Variants in UNC5D observed in about 807,000 individuals in gnomAD.
The protein encoded by UNC5D is netrin receptor UNC5D.
UNC5D carries 39 observed loss-of-function variants against 105.4 expected under a neutral mutation model. That is an observed-to-expected ratio of 0.37 (90% CI 0.29 to 0.48). The LOEUF is 0.48. Ranked by LOEUF, UNC5D falls within the 20% of genes least tolerant of loss-of-function variation. UNC5D has a pLI of 0.98. For missense variants in UNC5D, 991 were observed against 1,202.4 expected (o/e 0.82, Z 2.60); for synonymous variants, 452 against 450.4 (o/e 1.00, Z -0.04).
intron 1 of UNC5D, among the ~76,000 whole-genome samples, chr8:35,242,990 G>T (rs1365120692): frequency 6.6e-6 from 1 of 152,082 alleles, no homozygotes; most frequent in Non-Finnish European, 1.5e-5. Context: ...AGCTAAGCTG[G>T]TAATATTTGA....
At chr8:35,554,735 G>T (rs539205188) in intron 2 of UNC5D, among the ~76,000 whole-genome samples, 56 of 152,226 alleles carry the variant, frequency 3.7e-4, no homozygotes, top group African/African-American at 1.2e-3. Context: ...TTAACAACAC[G>T]CCGTGGCTCT....
At chr8:35,580,438 AG>A (rs1243114123) in intron 3 of UNC5D, among the ~76,000 whole-genome samples, 1 of 152,018 alleles carries the variant, frequency 6.6e-6, no homozygotes, top group East Asian at 1.9e-4. Flanking sequence ...ATTGCTGATG[AG>A]GAAAAAAAAC....
chr8:35,465,612 A>G (rs1484914514), intron 1 of UNC5D, among the ~76,000 whole-genome samples: 1 of 152,106 alleles, frequency 6.6e-6, no homozygotes, highest in Admixed American at 6.5e-5. Context: ...TTTATGTGAA[A>G]CTCAATCTAC....
At chr8:35,450,443 A>T (rs942034875) in intron 1 of UNC5D, among the ~76,000 whole-genome samples, 2 of 152,170 alleles carry the variant, frequency 1.3e-5, no homozygotes, top group Non-Finnish European at 2.9e-5. Context: ...TCTATTTATA[A>T]TATCAAGATT....
intron 1 of UNC5D, among the ~76,000 whole-genome samples, chr8:35,481,603 G>A (rs1271171231): frequency 3.9e-5 from 6 of 152,004 alleles, no homozygotes; most frequent in Non-Finnish European, 1.5e-5. Context: ...TTACATCTTT[G>A]TCAACCTTTG....
chr8:35,736,891 C>A (rs1364807516), intron 11 of UNC5D, among the ~76,000 whole-genome samples: 2 of 152,086 alleles, frequency 1.3e-5, no homozygotes, highest in Non-Finnish European at 2.9e-5. Context: ...CAGAGAATAT[C>A]CAGTTTATCT....
chr8:35,314,205 T>C (rs1336875155), intron 1 of UNC5D, among the ~76,000 whole-genome samples: 1 of 152,166 alleles, frequency 6.6e-6, no homozygotes, highest in Non-Finnish European at 1.5e-5. Flanking sequence ...TTTTAGAAAG[T>C]GTTACTGGAT....
intron 1 of UNC5D, among the ~76,000 whole-genome samples, chr8:35,449,025 A>G (rs752221047): frequency 1.3e-5 from 2 of 152,170 alleles, no homozygotes; most frequent in Non-Finnish European, 2.9e-5. Context: ...TTGGCAGAGT[A>G]GATGTTCAAT....
chr8:35,469,969 C>A (rs1030338243), intron 1 of UNC5D, among the ~76,000 whole-genome samples: 1 of 152,172 alleles, frequency 6.6e-6, no homozygotes, highest in Non-Finnish European at 1.5e-5. Context: ...TAAGCCACTC[C>A]TCACCTTTTG....
chr8:35,422,060 T>C (rs1171405717), intron 1 of UNC5D, among the ~76,000 whole-genome samples: 2 of 152,224 alleles, frequency 1.3e-5, no homozygotes, highest in African/African-American at 4.8e-5. Context: ...TGATGTTTTG[T>C]GTGTGGTAAA....
At chr8:35,533,431 G>A (rs1271825502) in intron 1 of UNC5D, among the ~76,000 whole-genome samples, 1 of 152,100 alleles carries the variant, frequency 6.6e-6, no homozygotes, top group Non-Finnish European at 1.5e-5. Flanking sequence ...CGTGCTGGGA[G>A]AACCACTGCT....
intron 1 of UNC5D, among the ~76,000 whole-genome samples, chr8:35,335,756 ATTTTTT>A (rs35774459): frequency 1.7e-4 from 15 of 90,456 alleles, no homozygotes; most frequent in South Asian, 4.1e-4. Context: ...AGAGATTGCA[ATTTTTT>A]TTTTTTTTTT....
In UNC5D at chr8:35,481,156, T is replaced by C. The variant is rs142860707; in HGVS notation, c.104-68136T>C. On this transcript the variant is annotated intron_variant, in intron 1 of 16. Coordinates refer to ENST00000404895, the MANE Select transcript of UNC5D (RefSeq NM_080872.4). ...CACATAAAGCTGAGCACATATTTTA[T>C]TGGACAAACATATCCTACCAGAAGA... Among the ~76,000 whole-genome samples the C allele has an allele frequency of 3.8e-4, 58 of 152,330 alleles. No homozygotes were observed. The East Asian group carries it at 8.3e-3, about 22-fold the overall frequency.
chr8:35,731,462 G>T (rs1563715754), intron 11 of UNC5D, among the ~76,000 whole-genome samples: 2 of 131,308 alleles, frequency 1.5e-5, no homozygotes, highest in Non-Finnish European at 3.2e-5. Flanking sequence ...AACTTCTGTA[G>T]AAAATCTGAA....
At chr8:35,333,120 A>G (rs1810751658) in intron 1 of UNC5D, among the ~76,000 whole-genome samples, 3 of 152,094 alleles carry the variant, frequency 2.0e-5, no homozygotes, top group Non-Finnish European at 4.4e-5. Flanking sequence ...GTATGAGGTG[A>G]GAGGACTGCC....
At position 35,710,934 on chromosome 8, in the gene UNC5D, C is replaced by CTTTTTTTTT. The variant is rs775014566; in HGVS notation, c.1117+4987_1117+4995dup. 6.1e-4 allele frequency among the ~76,000 whole-genome samples: 70 copies of CTTTTTTTTT among 114,378 alleles called. 3 individuals carry two copies. The highest frequency in any genetic ancestry group is 2.5e-3 in the African/African-American group (62 of 25,040). 75.0% of individuals were successfully genotyped at this position (114,378 alleles called of 152,430 possible). ...GCCTCTTCAGTAGCTCAGCATTATT[C>CTTTTTTTTT]TTTTTTTTTTTTTTTTTTTTTTGAG... On this transcript the variant is annotated intron_variant, in intron 8 of 16. Transcript: ENST00000404895.
intron 3 of UNC5D, among the ~76,000 whole-genome samples, chr8:35,591,144 G>A (rs898432965): frequency 1.3e-5 from 2 of 151,996 alleles, no homozygotes; most frequent in African/African-American, 4.8e-5. Context: ...GGAAGAGTAT[G>A]TGGCTGCTTA....
Position 35,381,820 on chromosome 8 carries a change from C to T in UNC5D, c.103+145933C>T, listed in dbSNP as rs139439659. On this transcript the variant is annotated intron_variant, in intron 1 of 16. Coordinates refer to ENST00000404895, the MANE Select transcript of UNC5D (RefSeq NM_080872.4). ...AGTCACACTGTGTTTTGCACACCTGCGTAGGCTTGACTTAGCAGAGCCGGT... is the reference window on the plus strand; with the variant it reads ...AGTCACACTGTGTTTTGCACACCTGTGTAGGCTTGACTTAGCAGAGCCGGT... Among the ~76,000 whole-genome samples, 17 of 152,286 alleles carry T rather than the reference C, an allele frequency of 1.1e-4. No homozygotes were observed. The East Asian group carries it at 2.1e-3, about 19-fold the overall frequency.
At chr8:35,496,831 T>C (rs1811629251) in intron 1 of UNC5D, among the ~76,000 whole-genome samples, 1 of 152,194 alleles carries the variant, frequency 6.6e-6, no homozygotes, top group South Asian at 2.1e-4. Context: ...TTCTACAGAT[T>C]TGCCTTTTCT....
Sources: gnomAD v4.1 joint callset for allele counts (sites outside exome capture counted in the v4.1 genomes callset) on GRCh38, gnomAD v4.1.1 for gene constraint, MANE v1.5 for transcripts, NCBI Gene and HGNC (gene_info 2026-07-23, HGNC 2026-07-21) for gene names.